Variants in MAN1C1 observed in about 807,000 individuals in gnomAD.
MAN1C1 encodes the protein mannosyl-oligosaccharide 1,2-alpha-mannosidase IC.
Under a neutral mutation model 71.5 loss-of-function variants are expected in MAN1C1, and 49 were observed. That is an observed-to-expected ratio of 0.69 (90% CI 0.54 to 0.87). The LOEUF is 0.87. Ranked by LOEUF, MAN1C1 falls within the 40% of genes least tolerant of loss-of-function variation. The pLI is 0.00. For missense variants in MAN1C1, 743 were observed against 835.0 expected, an observed-to-expected ratio of 0.89 and a Z score of 1.36; for synonymous variants, 352 against 343.7, an observed-to-expected ratio of 1.02 and a Z score of -0.27.
intron 1 of MAN1C1, among the ~76,000 whole-genome samples, chr1:25,659,875 C>G (rs2045821600): frequency 6.6e-6 from 1 of 152,120 alleles, no homozygotes; most frequent in Admixed American, 6.5e-5. Flanking sequence ...GATTGTTTTA[C>G]TGTATTATTT....
At chr1:25,731,275 A>G (rs537181731) in intron 2 of MAN1C1, among the ~76,000 whole-genome samples, 9 of 152,236 alleles carry the variant, frequency 5.9e-5, no homozygotes, top group African/African-American at 1.9e-4. Context: ...GTGCCACTGC[A>G]CTGCAGCTTG....
At chr1:25,713,013 A>G (rs1394782561) in intron 2 of MAN1C1, among the ~76,000 whole-genome samples, 1 of 152,220 alleles carries the variant, frequency 6.6e-6, no homozygotes, top group Non-Finnish European at 1.5e-5. Flanking sequence ...CCAATATTTT[A>G]TATTTTAGAA....
At chr1:25,736,365 G>A (rs537381129) in intron 2 of MAN1C1, among the ~76,000 whole-genome samples, 2 of 152,206 alleles carry the variant, frequency 1.3e-5, no homozygotes, top group Admixed American at 1.3e-4. Context: ...TGTGATAACA[G>A]CCCCATGCAT....
At chr1:25,747,986 G>A (rs968546743) in intron 3 of MAN1C1, among the ~76,000 whole-genome samples, 1 of 152,168 alleles carries the variant, frequency 6.6e-6, no homozygotes, top group Non-Finnish European at 1.5e-5. Context: ...GGTTGTTTGT[G>A]TGAGGCCAAG....
At chr1:25,694,239 C>T (rs1486587647) in intron 2 of MAN1C1, among the ~76,000 whole-genome samples, 1 of 152,188 alleles carries the variant, frequency 6.6e-6, no homozygotes, top group African/African-American at 2.4e-5. Context: ...AATCAGCAGA[C>T]AGACCCTGTA....
At chr1:25,731,692 G>A (rs1272347500) in intron 2 of MAN1C1, among the ~76,000 whole-genome samples, 1 of 152,120 alleles carries the variant, frequency 6.6e-6, no homozygotes, top group African/African-American at 2.4e-5. Context: ...TGGCTTCTGT[G>A]AGGTTCTGGA....
chr1:25,739,357 G>A (rs1264583003), intron 2 of MAN1C1, among the ~76,000 whole-genome samples: 2 of 152,312 alleles, frequency 1.3e-5, no homozygotes, highest in Middle Eastern at 3.4e-3. Flanking sequence ...TGAGAAAAAC[G>A]TGTGTGTTGT....
intron 1 of MAN1C1, among the ~76,000 whole-genome samples, chr1:25,676,613 T>TA (rs1408688213): frequency 1.3e-5 from 2 of 152,212 alleles, no homozygotes; most frequent in Admixed American, 6.5e-5. Context: ...CCAGGATCGT[T>TA]AGAGACCAAA....
In MAN1C1 at chr1:25,729,140, G is replaced by A. The variant is rs116789690; in HGVS notation, c.638-17528G>A. 8.4e-3 allele frequency among the ~76,000 whole-genome samples: 1,278 copies of A among 152,330 alleles called. 18 individuals are homozygous for A. Among genetic ancestry groups the A allele is most frequent in the African/African-American group, 0.028 (1,160 of 41,582 alleles). On this transcript the variant is annotated intron_variant, in intron 2 of 11. Coordinates refer to ENST00000374332, the MANE Select transcript of MAN1C1 (RefSeq NM_020379.4). ...CCAAACCCCTTGGCCTGCATTTGAA[G>A]TCTTTCCCAGGATGGCTCCAGCTGA...
chr1:25,776,205 C>T lies in MAN1C1; in HGVS notation c.1258-1900C>T, dbSNP rs2047617294. ...TCCAGCCCCTCCCCGCATACCCCTG[C>T]ATTTTTTAATCTCATCCTCTCACTT... On this transcript the variant is annotated intron_variant, in intron 8 of 11. Coordinates refer to ENST00000374332, the MANE Select transcript of MAN1C1 (RefSeq NM_020379.4). The surrounding 1 kb of genome is among the most constrained non-coding windows in gnomAD (Gnocchi z 4.3). 6.6e-6 allele frequency among the ~76,000 whole-genome samples: 1 copy of T among 152,116 alleles called. No homozygotes were observed. Among genetic ancestry groups the T allele is most frequent in the Admixed American group, 6.6e-5 (1 of 15,262 alleles).
chr1:25,622,429 C>T (rs890415648), intron 1 of MAN1C1, among the ~76,000 whole-genome samples: 1 of 152,208 alleles, frequency 6.6e-6, no homozygotes. Flanking sequence ...AACTCACCTA[C>T]TTTAATGAAT....
At chr1:25,623,973 C>T (rs1053541700) in intron 1 of MAN1C1, among the ~76,000 whole-genome samples, 2 of 152,138 alleles carry the variant, frequency 1.3e-5, no homozygotes, top group Non-Finnish European at 2.9e-5. Context: ...GTTGTCTTTC[C>T]GGTTCTGTGC....
rs564412055 is a variant in MAN1C1, at chr1:25,677,031, C to T, written c.541-9409C>T. Among the ~76,000 whole-genome samples the T allele has an allele frequency of 5.3e-5, 8 of 152,202 alleles. No homozygotes were observed. The South Asian group carries it at 6.2e-4, about 12-fold the overall frequency. On this transcript the variant is annotated intron_variant, in intron 1 of 11. Transcript: ENST00000374332. ...GAGTGGGCATCTGTGCCTGGGTGAT[C>T]GATTCTAGTCTCTTTTCTGCAGGAG...
intron 1 of MAN1C1, among the ~76,000 whole-genome samples, chr1:25,635,518 C>G (rs2045446063): frequency 6.7e-6 from 1 of 150,210 alleles, no homozygotes; most frequent in African/African-American, 2.5e-5. Flanking sequence ...GGTGCGATCT[C>G]AGCTCACTGC....
intron 3 of MAN1C1, among the ~76,000 whole-genome samples, chr1:25,747,153 G>C (rs2047141127): frequency 6.6e-6 from 1 of 152,194 alleles, no homozygotes; most frequent in Admixed American, 6.5e-5. Context: ...GCTTTGTGGA[G>C]GGGGGACGTG....
intron 8 of MAN1C1, 199 bp downstream of exon 8, chr1:25,771,971 C>G: frequency 3.5e-6 from 2 of 564,058 alleles, no homozygotes; most frequent in Non-Finnish European, 6.3e-6. Flanking sequence ...CCCACATGCT[C>G]TAAGACTGGG....
Position 25,618,283 on chromosome 1 carries a change from T to G in MAN1C1, c.486T>G (p.Asp162Glu). 6.2e-7 allele frequency: 1 copy of G among 1,604,124 alleles called. No homozygotes were observed. The highest frequency in any genetic ancestry group is 8.5e-7 in the Non-Finnish European group (1 of 1,177,066). Residue 162 changes from aspartate (D) to glutamate (E), a missense_variant, in exon 1 of 12, where the codon GAT becomes GAG. Asp to Glu is a conservative substitution (Grantham distance 45). Transcript: ENST00000374332. The part of the protein sequence containing the change: ...LRHPVLGTRA[D>E]ESQEPQSQVR... ...ACCCGGTCCTGGGAACGAGGGCCGA[T>G]GAGAGTCAGGAGCCCCAGAGCCAAG...
Position 25,764,556 on chromosome 1 carries a change from G to A in MAN1C1, c.1141+589G>A, listed in dbSNP as rs1052299792. On this transcript the variant is annotated intron_variant, in intron 7 of 11. Transcript: ENST00000374332. The surrounding 1 kb of genome is among the most constrained non-coding windows in gnomAD (Gnocchi z 4.4). ...GCCACCCGAGTAGCTGGGACTACAAGCATGTGCCACCATGTCTGGCTACTT... is the reference window on the plus strand; with the variant it reads ...GCCACCCGAGTAGCTGGGACTACAAACATGTGCCACCATGTCTGGCTACTT... 6.6e-6 allele frequency among the ~76,000 whole-genome samples: 1 copy of A among 151,938 alleles called. No individual in the cohort carries two copies. Among genetic ancestry groups the A allele is most frequent in the Admixed American group, 6.6e-5 (1 of 15,260 alleles).
intron 5 of MAN1C1, among the ~76,000 whole-genome samples, chr1:25,755,427 A>G (rs2047272948): frequency 6.6e-6 from 1 of 152,230 alleles, no homozygotes; most frequent in African/African-American, 2.4e-5. Flanking sequence ...GGCCTTTGTC[A>G]CAGACATGCT....
Sources: allele counts gnomAD v4.1 joint callset (sites outside exome capture counted in the v4.1 genomes callset), GRCh38; gene constraint gnomAD v4.1.1; non-coding constraint Gnocchi (gnomAD v3.1); transcripts MANE v1.5; gene names NCBI Gene and HGNC (gene_info 2026-07-23, HGNC 2026-07-21).